The following DAB1 variants were observed in gnomAD, a reference collection of about 807,000 sequenced individuals.
The protein encoded by DAB1 is DAB adaptor protein 1.
In DAB1, 15 loss-of-function variants were observed where a neutral mutation model predicts 64.6. The ratio of observed to expected loss-of-function variants is 0.23; its 90% CI spans 0.16 to 0.36. The LOEUF (loss-of-function observed/expected upper bound fraction) is 0.36. Ranked by LOEUF, DAB1 falls within the 10% of genes least tolerant of loss-of-function variation. The pLI is 1.00. For synonymous variants in DAB1, 235 were observed against 251.9 expected (o/e 0.93, Z 0.64); for missense variants, 596 against 706.7 (o/e 0.84, Z 1.78).
chr1:57,751,745 C>T (rs1028159374), intron 6 of DAB1, among the ~76,000 whole-genome samples: 1 of 152,098 alleles, frequency 6.6e-6, no homozygotes, highest in Non-Finnish European at 1.5e-5. Context: ...GGAAGAGATA[C>T]AGGCTGAGGG....
At chr1:58,465,297 C>T (rs750845855) in intron 3 of DAB1, among the ~76,000 whole-genome samples, 15 of 152,186 alleles carry the variant, frequency 9.9e-5, no homozygotes, top group South Asian at 6.2e-4. Context: ...CTCAGGCAAA[C>T]GCCCTGCATG....
intron 4 of DAB1, among the ~76,000 whole-genome samples, chr1:57,073,777 T>C (rs1199318903): frequency 6.6e-6 from 1 of 152,200 alleles, no homozygotes; most frequent in Admixed American, 6.5e-5. Flanking sequence ...AGAGGCCCCA[T>C]GCAATTTTCA....
chr1:57,733,359 G>C (rs769606804), intron 6 of DAB1, among the ~76,000 whole-genome samples: 2 of 151,742 alleles, frequency 1.3e-5, no homozygotes, highest in Non-Finnish European at 2.9e-5. Flanking sequence ...AGTTCCATGA[G>C]GGCAGGGATC....
intron 9 of DAB1, among the ~76,000 whole-genome samples, chr1:57,032,031 T>C (rs922152960): frequency 2.6e-5 from 4 of 152,236 alleles, no homozygotes; most frequent in Admixed American, 6.5e-5. Context: ...CCAGTCATTC[T>C]TTGATATGAA....
At chr1:58,157,427 G>A (rs1655284407) in intron 4 of DAB1, among the ~76,000 whole-genome samples, 2 of 152,168 alleles carry the variant, frequency 1.3e-5, no homozygotes, top group African/African-American at 2.4e-5. Flanking sequence ...TGAGGCCAGC[G>A]TGAGGAAATG....
intron 2 of DAB1, among the ~76,000 whole-genome samples, chr1:57,255,019 G>A (rs1358350614): frequency 2.6e-5 from 4 of 151,586 alleles, no homozygotes; most frequent in East Asian, 1.9e-4. Flanking sequence ...TTTCTTTTTA[G>A]TGTTGAATCC....
intron 4 of DAB1, among the ~76,000 whole-genome samples, chr1:57,085,704 C>T (rs568587760): frequency 7.9e-5 from 12 of 152,324 alleles, no homozygotes; most frequent in African/African-American, 2.6e-4. Flanking sequence ...GCTGCCTCTA[C>T]GAGACACAGG....
intron 4 of DAB1, among the ~76,000 whole-genome samples, chr1:57,110,705 A>G (rs1260081748): frequency 1.3e-5 from 2 of 152,212 alleles, no homozygotes. Flanking sequence ...CACAGTAACC[A>G]TTATTACAGC....
chr1:57,980,023 A>G (rs1238345561), intron 5 of DAB1, among the ~76,000 whole-genome samples: 1 of 152,072 alleles, frequency 6.6e-6, no homozygotes, highest in African/African-American at 2.4e-5. Context: ...TGGTCTCTAG[A>G]TTTCTATTTA....
intron 14 of DAB1, among the ~76,000 whole-genome samples, chr1:57,008,967 C>CA (rs527852785): frequency 6.6e-6 from 1 of 152,292 alleles, no homozygotes; most frequent in East Asian, 1.9e-4. Context: ...CTGGACAGAG[C>CA]ATTAAATGTG....
intron 11 of DAB1, among the ~76,000 whole-genome samples, chr1:57,015,949 A>G (rs1646416955): frequency 6.6e-6 from 1 of 152,246 alleles, no homozygotes; most frequent in Non-Finnish European, 1.5e-5. Context: ...GACCTAGGTT[A>G]AAATTCAAAT....
intron 6 of DAB1, among the ~76,000 whole-genome samples, chr1:57,776,129 AG>A (rs1649787461): frequency 6.6e-6 from 1 of 151,698 alleles, no homozygotes; most frequent in South Asian, 2.1e-4. Context: ...CAGCATATAA[AG>A]GTTGAGTATC....
chr1:58,057,054 A>G (rs1648164764), intron 5 of DAB1, among the ~76,000 whole-genome samples: 1 of 151,760 alleles, frequency 6.6e-6, no homozygotes, highest in African/African-American at 2.4e-5. Context: ...TTCTACTAGG[A>G]CCCTAATTGA....
chr1:57,974,400 T>C (rs1645870291), intron 5 of DAB1, among the ~76,000 whole-genome samples: 1 of 152,176 alleles, frequency 6.6e-6, no homozygotes, highest in African/African-American at 2.4e-5. Flanking sequence ...TTCACTGGTG[T>C]ATCTCTGGAG....
intron 3 of DAB1, among the ~76,000 whole-genome samples, chr1:58,373,272 C>T (rs1442613752): frequency 2.7e-5 from 4 of 146,394 alleles, no homozygotes; most frequent in African/African-American, 9.8e-5. Flanking sequence ...GCTGCACCCA[C>T]TAACTCGTCA....
At chr1:57,187,241 T>G in intron 2 of DAB1, among the ~76,000 whole-genome samples, 1 of 152,202 alleles carries the variant, frequency 6.6e-6, no homozygotes, top group East Asian at 1.9e-4. Context: ...TCCAAATCTG[T>G]AACTCACACC....
chr1:57,706,305 T>G (rs1264360918), intron 6 of DAB1, among the ~76,000 whole-genome samples: 1 of 151,930 alleles, frequency 6.6e-6, no homozygotes, highest in African/African-American at 2.4e-5. Context: ...TTCCTTCCTT[T>G]TCTCTTTCTT....
intron 6 of DAB1, among the ~76,000 whole-genome samples, chr1:57,677,812 T>C (rs1000073865): frequency 3.9e-5 from 6 of 152,176 alleles, no homozygotes; most frequent in African/African-American, 9.7e-5. Context: ...CTGTTATTCA[T>C]TGGGAGCAAA....
chr1:57,096,741 G>A (rs1168122762), intron 4 of DAB1, among the ~76,000 whole-genome samples: 3 of 152,100 alleles, frequency 2.0e-5, no homozygotes, highest in African/African-American at 4.8e-5. Flanking sequence ...ACTTATTTGT[G>A]TCCTTATTTA....
Sources: gnomAD v4.1 joint callset for allele counts (sites outside exome capture counted in the v4.1 genomes callset) on GRCh38, gnomAD v4.1.1 for gene constraint, MANE v1.5 for transcripts, NCBI Gene and HGNC (gene_info 2026-07-23, HGNC 2026-07-21) for gene names.